The following FRMD3 variants were observed in gnomAD, a reference collection of about 807,000 sequenced individuals.
FRMD3 encodes the protein FERM domain containing 3, also known as FERM domain-containing protein 3.
FRMD3 carries 33 observed loss-of-function variants against 70.2 expected under a neutral mutation model. That is an observed-to-expected ratio of 0.47 (90% CI 0.36 to 0.63). The LOEUF (loss-of-function observed/expected upper bound fraction) is 0.63. Ranked by LOEUF, FRMD3 falls within the 20% of genes least tolerant of loss-of-function variation. The probability of loss-of-function intolerance (pLI) is 0.00; values close to 1 mark genes in which losing one functional copy is unlikely to be tolerated. For missense variants in FRMD3, 632 were observed against 711.4 expected, an observed-to-expected ratio of 0.89 and a Z score of 1.27; for synonymous variants, 279 against 255.9, an observed-to-expected ratio of 1.09 and a Z score of -0.86.
At chr9:83,386,229 T>C (rs1825507328) in intron 2 of FRMD3, among the ~76,000 whole-genome samples, 2 of 152,174 alleles carry the variant, frequency 1.3e-5, no homozygotes, top group African/African-American at 4.8e-5. Flanking sequence ...GAGTCCAAAG[T>C]CCTTGCAGTT....
intron 8 of FRMD3, 118 bp downstream of exon 8, chr9:83,311,769 C>T: frequency 1.3e-6 from 1 of 769,226 alleles, no homozygotes; most frequent in East Asian, 2.6e-5. Context: ...GATGAAGCTC[C>T]AAGGCAAGGA....
chr9:83,516,416 A>G (rs1214801049), intron 1 of FRMD3, among the ~76,000 whole-genome samples: 3 of 152,244 alleles, frequency 2.0e-5, no homozygotes, highest in Non-Finnish European at 4.4e-5. Context: ...CAACAAGAAG[A>G]GTTAACTATG....
intron 1 of FRMD3, among the ~76,000 whole-genome samples, chr9:83,395,309 G>T (rs867671655): frequency 4.3e-4 from 64 of 149,762 alleles, no homozygotes; most frequent in African/African-American, 1.5e-3. Flanking sequence ...AAAAGACAAA[G>T]AACTCAATTC....
At chr9:83,517,261 T>C (rs1391167856) in intron 1 of FRMD3, among the ~76,000 whole-genome samples, 1 of 151,772 alleles carries the variant, frequency 6.6e-6, no homozygotes, top group East Asian at 1.9e-4. Flanking sequence ...AAGAGTCAAA[T>C]AGACACAATA....
chr9:83,314,452 A>G (rs541750085), intron 6 of FRMD3, among the ~76,000 whole-genome samples: 1 of 152,386 alleles, frequency 6.6e-6, no homozygotes, highest in African/African-American at 2.4e-5. Context: ...AAGGATATTT[A>G]TGTAATTCTA....
rs140422269 is a variant in FRMD3, at chr9:83,444,455, A to G, written c.148-54747T>C. ...ATAAGCTAAGTCTCCTCCTCTTCAA[A>G]TCTTTCCAGGCAAAATAGAAAGCAT... On this transcript the variant is annotated intron_variant, in intron 1 of 13. Transcript: ENST00000304195. Among the ~76,000 whole-genome samples the G allele has an allele frequency of 3.3e-5, 5 of 152,320 alleles. No individual in the cohort carries two copies. The East Asian group carries it at 9.6e-4, about 29-fold the overall frequency.
intron 2 of FRMD3, among the ~76,000 whole-genome samples, chr9:83,382,263 C>T (rs1404982066): frequency 6.6e-6 from 1 of 151,906 alleles, no homozygotes; most frequent in Admixed American, 6.5e-5. Context: ...GATTCATGGG[C>T]CTTTTTTAAA....
At chr9:83,414,071 C>T (rs1826360429) in intron 1 of FRMD3, among the ~76,000 whole-genome samples, 1 of 152,112 alleles carries the variant, frequency 6.6e-6, no homozygotes, top group Non-Finnish European at 1.5e-5. Flanking sequence ...AACACACACA[C>T]ACACACACGA....
At chr9:83,548,236 G>A in the FRMD3 span, among the ~76,000 whole-genome samples, 1 of 152,288 alleles carries the variant, frequency 6.6e-6, no homozygotes, top group South Asian at 2.1e-4. Context: ...ATGCAAATGA[G>A]CTGAAAACAT....
intron 1 of FRMD3, among the ~76,000 whole-genome samples, chr9:83,484,870 A>G (rs1587458497): frequency 6.6e-6 from 1 of 152,152 alleles, no homozygotes; most frequent in African/African-American, 2.4e-5. Context: ...ATAGAGAAAC[A>G]CTCCATCTTA....
chr9:83,433,223 A>G (rs72745080), intron 1 of FRMD3, among the ~76,000 whole-genome samples: 17,728 of 152,212 alleles, frequency 0.12, 1,125 homozygotes, highest in South Asian at 0.15. Context: ...AAATCTCAAG[A>G]GGCTAGGAAG....
chr9:83,418,126 A>G (rs1281843210), intron 1 of FRMD3, among the ~76,000 whole-genome samples: 1 of 151,650 alleles, frequency 6.6e-6, no homozygotes, highest in East Asian at 1.9e-4. Context: ...GGTGGGGGGG[A>G]TATTTCAAAT....
chr9:83,293,184 G>A (rs2098612833), intron 12 of FRMD3, among the ~76,000 whole-genome samples: 1 of 152,050 alleles, frequency 6.6e-6, no homozygotes, highest in Non-Finnish European at 1.5e-5. Flanking sequence ...GGAGGGGAGG[G>A]AGGGAGGAAG....
At chr9:83,423,796 A>G (rs890323673) in intron 1 of FRMD3, among the ~76,000 whole-genome samples, 3 of 151,680 alleles carry the variant, frequency 2.0e-5, no homozygotes, top group East Asian at 1.9e-4. Flanking sequence ...GGGTTTCACC[A>G]TGTTGGCCAG....
chr9:83,402,719 C>G (rs1348009303), intron 1 of FRMD3, among the ~76,000 whole-genome samples: 2 of 151,926 alleles, frequency 1.3e-5, no homozygotes, highest in African/African-American at 4.8e-5. Context: ...TAAAGAGAAA[C>G]AGGTCAGTAG....
At chr9:83,403,897 C>T (rs1047764812) in intron 1 of FRMD3, among the ~76,000 whole-genome samples, 1 of 152,038 alleles carries the variant, frequency 6.6e-6, no homozygotes, top group African/African-American at 2.4e-5. Flanking sequence ...TCCTTACTTC[C>T]AGCCCAGCAT....
At chr9:83,460,665 A>G (rs910993338) in intron 1 of FRMD3, among the ~76,000 whole-genome samples, 1 of 152,238 alleles carries the variant, frequency 6.6e-6, no homozygotes, top group Non-Finnish European at 1.5e-5. Context: ...ATAATGATGT[A>G]AAACATGTAC....
chr9:83,419,030 C>A (rs1273732511), intron 1 of FRMD3, among the ~76,000 whole-genome samples: 1 of 152,078 alleles, frequency 6.6e-6, no homozygotes, highest in African/African-American at 2.4e-5. Context: ...TGAAGTAACA[C>A]AGGAGTAGAA....
intron 6 of FRMD3, among the ~76,000 whole-genome samples, chr9:83,329,851 C>G (rs941212910): frequency 6.6e-6 from 1 of 152,158 alleles, no homozygotes; most frequent in African/African-American, 2.4e-5. Flanking sequence ...TAATGACAAA[C>G]CTGATGAACT....
Sources: gnomAD v4.1 joint callset for allele counts (sites outside exome capture counted in the v4.1 genomes callset) on GRCh38, gnomAD v4.1.1 for gene constraint, MANE v1.5 for transcripts, NCBI Gene and HGNC (gene_info 2026-07-23, HGNC 2026-07-21) for gene names.